SHISA9: variants seen among roughly 807,000 people sequenced by gnomAD.
SHISA9 encodes the protein shisa family member 9.
SHISA9 carries 13 observed loss-of-function variants against 38.0 expected under a neutral mutation model. That is an observed-to-expected ratio of 0.34 (90% CI 0.22 to 0.54). The LOEUF is 0.54. SHISA9 is among the 20% of genes least tolerant of loss of function. The pLI, the probability that SHISA9 is intolerant of heterozygous loss-of-function variation, is 0.91. For synonymous variants in SHISA9, 275 were observed against 242.0 expected (o/e 1.14, Z -1.27); for missense variants, 538 against 575.8 (o/e 0.93, Z 0.67).
chr16:13,451,801 G>T, the SHISA9 span, among the ~76,000 whole-genome samples: 1 of 152,222 alleles, frequency 6.6e-6, no homozygotes, highest in Admixed American at 6.5e-5. Flanking sequence ...AAGAAGTTTG[G>T]AATCCTGGCA....
the SHISA9 span, among the ~76,000 whole-genome samples, chr16:13,283,487 G>T: frequency 1.3e-5 from 2 of 152,094 alleles, no homozygotes; most frequent in African/African-American, 4.8e-5. Flanking sequence ...AAGGCAAGAA[G>T]AAGCAAGTCA....
At chr16:13,167,117 G>A (rs1596696079) in intron 2 of SHISA9, among the ~76,000 whole-genome samples, 2 of 132,726 alleles carry the variant, frequency 1.5e-5, no homozygotes, top group East Asian at 4.4e-4. Context: ...TTGTTGCCCA[G>A]GCTGGAGTGC....
chr16:13,138,515 T>C (rs1348544850), intron 2 of SHISA9, among the ~76,000 whole-genome samples: 1 of 152,206 alleles, frequency 6.6e-6, no homozygotes, highest in Non-Finnish European at 1.5e-5. Context: ...TAGGAGATTC[T>C]CAGAAAATAT....
At chr16:13,281,480 A>G in the SHISA9 span, among the ~76,000 whole-genome samples, 5 of 151,144 alleles carry the variant, frequency 3.3e-5, no homozygotes, top group Non-Finnish European at 7.4e-5. Context: ...TTTACATTTA[A>G]TGGAATTACT....
rs567858576 is a variant in SHISA9 at position 13,018,551 on chromosome 16, C to T, written c.691+101736C>T. Among the ~76,000 whole-genome samples, 12 of 152,250 alleles carry T rather than the reference C, an allele frequency of 7.9e-5. 1 individual carries two copies. The South Asian group carries it at 1.2e-3, about 16-fold the overall frequency. On this transcript the variant is annotated intron_variant, in intron 2 of 4. Coordinates refer to ENST00000558583, the MANE Select transcript of SHISA9 (RefSeq NM_001145204.3). ...GGCGAAGGTTCCATCGGGATGAAGGCGATTTGCAGTGGGGTGGAGGGAAGA... is the reference window on the plus strand; with the variant it reads ...GGCGAAGGTTCCATCGGGATGAAGGTGATTTGCAGTGGGGTGGAGGGAAGA...
intron 2 of SHISA9, among the ~76,000 whole-genome samples, chr16:12,991,952 T>C (rs1350275312): frequency 1.3e-5 from 2 of 152,294 alleles, no homozygotes; most frequent in African/African-American, 2.4e-5. Flanking sequence ...AAAATAGATA[T>C]TAAGTTTTAA....
the SHISA9 span, among the ~76,000 whole-genome samples, chr16:13,256,374 C>T: frequency 2.6e-5 from 4 of 152,210 alleles, no homozygotes; most frequent in Non-Finnish European, 5.9e-5. Flanking sequence ...CTCTGCCTCC[C>T]AGGTTCAAGT....
chr16:13,530,471 A>G, the SHISA9 span, among the ~76,000 whole-genome samples: 1 of 152,170 alleles, frequency 6.6e-6, no homozygotes, highest in Non-Finnish European at 1.5e-5. Context: ...TAAGCACTTA[A>G]GACTGTGTCT....
chr16:13,146,554 A>G (rs1210527377), intron 2 of SHISA9, among the ~76,000 whole-genome samples: 1 of 152,134 alleles, frequency 6.6e-6, no homozygotes, highest in Non-Finnish European at 1.5e-5. Context: ...TTATTTGAAA[A>G]TGTATGATCA....
At chr16:13,134,201 G>A (rs1317799667) in intron 2 of SHISA9, among the ~76,000 whole-genome samples, 3 of 152,180 alleles carry the variant, frequency 2.0e-5, no homozygotes, top group Non-Finnish European at 2.9e-5. Context: ...TACTTAACCT[G>A]TCTGGGTCTC....
chr16:13,275,014 T>C, the SHISA9 span, among the ~76,000 whole-genome samples: 2 of 152,114 alleles, frequency 1.3e-5, no homozygotes, highest in African/African-American at 4.8e-5. Flanking sequence ...CAAGTCTAAA[T>C]TCCTCACTGA....
At chr16:13,094,965 T>C (rs2073811129) in intron 2 of SHISA9, among the ~76,000 whole-genome samples, 2 of 152,184 alleles carry the variant, frequency 1.3e-5, no homozygotes, top group South Asian at 4.1e-4. Flanking sequence ...AAACAGTAGG[T>C]CCTCAGTAAA....
chr16:13,457,347 C>A, the SHISA9 span, among the ~76,000 whole-genome samples: 3 of 152,030 alleles, frequency 2.0e-5, no homozygotes, highest in African/African-American at 7.2e-5. Flanking sequence ...TCTGTGAGTC[C>A]TAGGTAATTA....
chr16:13,322,743 A>T, the SHISA9 span, among the ~76,000 whole-genome samples: 1 of 152,226 alleles, frequency 6.6e-6, no homozygotes. Context: ...AGAAGGGATG[A>T]AATTGGGTGG....
chr16:13,283,117 A>G, the SHISA9 span, among the ~76,000 whole-genome samples: 1 of 152,154 alleles, frequency 6.6e-6, no homozygotes, highest in South Asian at 2.1e-4. Flanking sequence ...TTTGAATTCT[A>G]GTTTTTTGAA....
At chr16:12,908,723 A>T (rs908020851) in intron 1 of SHISA9, 17 of 1,460,562 alleles carry the variant, frequency 1.2e-5, no homozygotes, top group Admixed American at 4.9e-5. Context: ...AAGCTACCGT[A>T]AGATGAAGTC....
the SHISA9 span, among the ~76,000 whole-genome samples, chr16:13,496,183 A>T: frequency 6.6e-6 from 1 of 152,122 alleles, no homozygotes; most frequent in Non-Finnish European, 1.5e-5. Flanking sequence ...AAACAAAACA[A>T]CTCAAAAAAT....
chr16:13,056,423 T>G (rs1002200292), intron 2 of SHISA9, among the ~76,000 whole-genome samples: 4 of 152,190 alleles, frequency 2.6e-5, no homozygotes, highest in African/African-American at 9.6e-5. Context: ...CCTGGGTCAA[T>G]GAGATCTGTG....
At position 12,944,644 on chromosome 16, in the gene SHISA9, C is replaced by T. The variant is rs570114032; in HGVS notation, c.691+27829C>T. ...GTAGCGTTCCATGAAATGACCCTGG[C>T]ATTGGGTTCTTGGAGCCTAAGTTCT... On this transcript the variant is annotated intron_variant, in intron 2 of 4. Transcript: ENST00000558583. 5.9e-5 allele frequency among the ~76,000 whole-genome samples: 9 copies of T among 152,226 alleles called. No homozygotes were observed. The South Asian group carries it at 1.9e-3, about 32-fold the overall frequency.
Sources: allele counts gnomAD v4.1 joint callset (sites outside exome capture counted in the v4.1 genomes callset), GRCh38; gene constraint gnomAD v4.1.1; transcripts MANE v1.5; gene names NCBI Gene and HGNC (gene_info 2026-07-23, HGNC 2026-07-21).